The following BAZ2B variants were observed in gnomAD, a reference collection of about 807,000 sequenced individuals.
The protein encoded by BAZ2B is bromodomain adjacent to zinc finger domain protein 2B.
Under a neutral mutation model 246.0 loss-of-function variants are expected in BAZ2B, and 91 were observed. The ratio of observed to expected loss-of-function variants is 0.37; its 90% CI spans 0.31 to 0.44. The LOEUF is 0.44. Ranked by LOEUF, BAZ2B falls within the 20% of genes least tolerant of loss-of-function variation. The pLI, the probability that BAZ2B is intolerant of heterozygous loss-of-function variation, is 1.00. For missense variants in BAZ2B, 2,332 were observed against 2,533.7 expected (o/e 0.92, Z 1.71); for synonymous variants, 855 against 860.0 (o/e 0.99, Z 0.10).
At chr2:159,566,069 T>C (rs1471051938) in intron 1 of BAZ2B, among the ~76,000 whole-genome samples, 1 of 152,192 alleles carries the variant, frequency 6.6e-6, no homozygotes, top group Admixed American at 6.5e-5. Context: ...TGGAGTGCAA[T>C]GGCTCAATCT....
At chr2:159,447,050 T>C in intron 5 of BAZ2B, 75 bp from the exon 6 acceptor site, 1 of 1,037,992 alleles carries the variant, frequency 9.6e-7, no homozygotes, top group Non-Finnish European at 1.3e-6. Flanking sequence ...CAGATATATG[T>C]ACAGTTGGAT....
intron 9 of BAZ2B, among the ~76,000 whole-genome samples, chr2:159,431,919 AAGTT>A (rs1456606114): frequency 6.6e-6 from 1 of 152,144 alleles, no homozygotes; most frequent in Non-Finnish European, 1.5e-5. Context: ...TTCATTATAA[AAGTT>A]AGTTTTGAAA....
At chr2:159,366,198 C>G (rs112768769) in intron 27 of BAZ2B, among the ~76,000 whole-genome samples, 1 of 152,170 alleles carries the variant, frequency 6.6e-6, no homozygotes, top group Admixed American at 6.5e-5. Flanking sequence ...GGATCCATGC[C>G]CCACATTAGG....
chr2:159,677,548 G>T, the BAZ2B span, among the ~76,000 whole-genome samples: 7 of 152,044 alleles, frequency 4.6e-5, no homozygotes, highest in East Asian at 1.2e-3. Context: ...ATTGCTCTGT[G>T]TCTTAAGTGC....
At chr2:159,514,828 T>A (rs991675893) in intron 2 of BAZ2B, among the ~76,000 whole-genome samples, 1 of 152,124 alleles carries the variant, frequency 6.6e-6, no homozygotes, top group Non-Finnish European at 1.5e-5. Context: ...ATAAATGACA[T>A]AAATTACTTA....
chr2:159,565,968 T>C (rs947172907), intron 1 of BAZ2B, among the ~76,000 whole-genome samples: 8 of 152,142 alleles, frequency 5.3e-5, no homozygotes, highest in African/African-American at 1.9e-4. Context: ...AACAATACTA[T>C]TTGGTAATAG....
chr2:159,408,141 G>A (rs116572975), intron 14 of BAZ2B, among the ~76,000 whole-genome samples: 2,793 of 152,190 alleles, frequency 0.018, 39 homozygotes, highest in Middle Eastern at 0.072. Context: ...GTGTATGAGC[G>A]TATCAATCAA....
At chr2:159,372,381 C>G (rs2060944726) in intron 27 of BAZ2B, among the ~76,000 whole-genome samples, 1 of 152,096 alleles carries the variant, frequency 6.6e-6, no homozygotes, top group Non-Finnish European at 1.5e-5. Flanking sequence ...CACTTTTGTC[C>G]CCATCAGAAT....
chr2:159,581,454 A>G (rs551884203), intron 1 of BAZ2B, among the ~76,000 whole-genome samples: 30 of 152,288 alleles, frequency 2.0e-4, no homozygotes, highest in Non-Finnish European at 3.7e-4. Context: ...AGAAATAGGA[A>G]CACTTTTACA....
At position 159,382,678 on chromosome 2, in the gene BAZ2B, C is replaced by A. The variant is rs1169115622; in HGVS notation, c.3886G>T (p.Asp1296Tyr). ...PGRKRRRKGG[D>Y]SDYDDDDDDD... ...TCATCATCATCGTCATAATCACTGTCTCCTCCCTTCCTTCTTCGCTTGCGT... is the reference window on the plus strand; with the variant it reads ...TCATCATCATCGTCATAATCACTGTATCCTCCCTTCCTTCTTCGCTTGCGT... Residue 1296 changes from aspartate (D) to tyrosine (Y), a missense_variant, in exon 25 of 37, where the codon GAC (aspartate) becomes TAC (tyrosine). Asp to Tyr is a radical substitution (Grantham distance 160). Around this residue, in one of 9 missense-constraint regions of BAZ2B, gnomAD observed 676 missense variants for 668.6 expected, o/e 1.01. Coordinates refer to ENST00000392783, the MANE Select transcript of BAZ2B (RefSeq NM_013450.4). 2 of 1,609,690 alleles carry A rather than the reference C, an allele frequency of 1.2e-6. No individual in the cohort carries two copies. Among genetic ancestry groups the A allele is most frequent in the Non-Finnish European group, 1.7e-6 (2 of 1,177,650 alleles).
At chr2:159,546,831 T>C (rs1048834213) in intron 2 of BAZ2B, among the ~76,000 whole-genome samples, 4 of 151,996 alleles carry the variant, frequency 2.6e-5, no homozygotes, top group African/African-American at 9.7e-5. Context: ...TTGAAGTAAA[T>C]TGCCATAACA....
intron 3 of BAZ2B, 117 bp downstream of exon 3, chr2:159,478,458 C>A: frequency 1.8e-6 from 2 of 1,123,350 alleles, no homozygotes; most frequent in Non-Finnish European, 2.4e-6. Flanking sequence ...TTTAACCTAG[C>A]CTTTATTCAA....
At chr2:159,479,591 C>G (rs964553361) in intron 2 of BAZ2B, among the ~76,000 whole-genome samples, 2 of 152,062 alleles carry the variant, frequency 1.3e-5, no homozygotes, top group Non-Finnish European at 2.9e-5. Flanking sequence ...TTTAAATAAT[C>G]TAACTATAGA....
At chr2:159,447,722 T>C (rs1249458318) in intron 5 of BAZ2B, among the ~76,000 whole-genome samples, 3 of 152,200 alleles carry the variant, frequency 2.0e-5, no homozygotes, top group Non-Finnish European at 4.4e-5. Flanking sequence ...GAACAACTTA[T>C]TTGACCTTGG....
the BAZ2B span, among the ~76,000 whole-genome samples, chr2:159,648,466 C>G: frequency 4.3e-3 from 647 of 152,210 alleles, 14 homozygotes; most frequent in Non-Finnish European, 1.1e-3. Context: ...TGCTTCCCCC[C>G]ACTCTTCCAT....
At chr2:159,376,191 C>T (rs187828209) in intron 25 of BAZ2B, among the ~76,000 whole-genome samples, 1 of 152,256 alleles carries the variant, frequency 6.6e-6, no homozygotes, top group Non-Finnish European at 1.5e-5. Flanking sequence ...TTACCTACTA[C>T]ATGAAGGTTT....
At chr2:159,683,930 G>A in the BAZ2B span, among the ~76,000 whole-genome samples, 4 of 152,074 alleles carry the variant, frequency 2.6e-5, no homozygotes, top group Admixed American at 1.3e-4. Context: ...CTAGAAATTC[G>A]AATGTGGATA....
At chr2:159,649,079 T>C in the BAZ2B span, among the ~76,000 whole-genome samples, 3 of 152,234 alleles carry the variant, frequency 2.0e-5, no homozygotes, top group African/African-American at 7.2e-5. Context: ...CTAATGATGT[T>C]GAGCATTTTT....
chr2:159,439,960 T>A (rs568979713), intron 6 of BAZ2B, among the ~76,000 whole-genome samples: 38 of 152,256 alleles, frequency 2.5e-4, no homozygotes, highest in African/African-American at 8.7e-4. Context: ...TAGAAAGTGG[T>A]TATTAGGTCA....
Sources: allele counts gnomAD v4.1 joint callset (sites outside exome capture counted in the v4.1 genomes callset), GRCh38; gene constraint gnomAD v4.1.1; regional missense constraint gnomAD v4.1.1; transcripts MANE v1.5; gene names NCBI Gene and HGNC (gene_info 2026-07-23, HGNC 2026-07-21).